The following ASB4 variants were observed in gnomAD, a reference collection of about 807,000 sequenced individuals.
ASB4 encodes the protein ankyrin repeat and SOCS box protein 4.
ASB4 carries 35 observed loss-of-function variants against 38.6 expected under a neutral mutation model. That is an observed-to-expected ratio of 0.91 (90% confidence interval 0.69 to 1.20). The LOEUF is 1.20. ASB4 is among the 50% of genes most tolerant of loss of function. ASB4 has a pLI of 0.00. For missense variants in ASB4, 557 were observed against 527.2 expected, an observed-to-expected ratio of 1.06 and a Z score of -0.55; for synonymous variants, 195 against 201.3, an observed-to-expected ratio of 0.97 and a Z score of 0.26.
In ASB4 at chr7:95,490,008, C is replaced by T. The variant is rs1790149184; in HGVS notation, c.187+3850C>T. Among the ~76,000 whole-genome samples the T allele has an allele frequency of 2.6e-5, 4 of 152,332 alleles. 1 individual carries two copies. The highest frequency in any genetic ancestry group is 1.3e-4 in the Admixed American group (2 of 15,304). On this transcript the variant is annotated intron_variant, in intron 1 of 4. Coordinates refer to ENST00000325885, the MANE Select transcript of ASB4 (RefSeq NM_016116.3). ...TACAGGCAGAATTTCATACTTATCT[C>T]TTTGGTATGAAATTCCCTAGTCAGC...
At chr7:95,526,229 G>A (rs911978559) in intron 2 of ASB4, among the ~76,000 whole-genome samples, 1 of 152,212 alleles carries the variant, frequency 6.6e-6, no homozygotes, top group Non-Finnish European at 1.5e-5. Flanking sequence ...CCCAGTGGGA[G>A]AGAGCCCCAG....
intron 2 of ASB4, among the ~76,000 whole-genome samples, chr7:95,511,838 C>T (rs919141493): frequency 6.6e-6 from 1 of 152,168 alleles, no homozygotes; most frequent in Non-Finnish European, 1.5e-5. Context: ...CAGGTTTTGA[C>T]TGCAGTGACC....
upstream of ASB4, among the ~76,000 whole-genome samples, chr7:95,475,885 A>G (rs1262403532): frequency 6.6e-6 from 1 of 152,184 alleles, no homozygotes. Flanking sequence ...TTACTTAGTT[A>G]AGATTTATGG....
At chr7:95,498,758 C>T (rs1790288491) in intron 2 of ASB4, among the ~76,000 whole-genome samples, 1 of 151,884 alleles carries the variant, frequency 6.6e-6, no homozygotes, top group African/African-American at 2.4e-5. Context: ...ATGTTTATTT[C>T]TAGAGGTTTT....
upstream of ASB4, among the ~76,000 whole-genome samples, chr7:95,475,179 C>T (rs377108178): frequency 1.1e-3 from 165 of 152,108 alleles, 1 homozygote; most frequent in African/African-American, 3.8e-3. Flanking sequence ...TCTGAAGTAC[C>T]GAAAAATTTG....
intron 2 of ASB4, among the ~76,000 whole-genome samples, chr7:95,506,302 T>C (rs2078990): frequency 0.46 from 70,552 of 152,086 alleles, 16,987 homozygotes; most frequent in African/African-American, 0.59. Context: ...CCTGCTCCAA[T>C]GAGTTTCAGG....
intron 3 of ASB4, among the ~76,000 whole-genome samples, chr7:95,534,026 G>A (rs1366981431): frequency 6.6e-6 from 1 of 152,076 alleles, no homozygotes; most frequent in Admixed American, 6.5e-5. Context: ...TTTCTAATGG[G>A]GAGCATCTAT....
intron 2 of ASB4, among the ~76,000 whole-genome samples, chr7:95,504,446 G>C (rs541096211): frequency 3.9e-5 from 6 of 152,256 alleles, no homozygotes; most frequent in African/African-American, 1.2e-4. Flanking sequence ...ATGCCTGCTG[G>C]ACAGACGCTG....
At chr7:95,511,918 C>CT (rs1790487688) in intron 2 of ASB4, among the ~76,000 whole-genome samples, 1 of 152,122 alleles carries the variant, frequency 6.6e-6, no homozygotes, top group Non-Finnish European at 1.5e-5. Flanking sequence ...AGTCCTGCCG[C>CT]TAATGTAAAT....
At chr7:95,541,343 T>C (rs892193893), downstream of ASB4, among the ~76,000 whole-genome samples, 5 of 152,236 alleles carry the variant, frequency 3.3e-5, no homozygotes, top group Non-Finnish European at 7.3e-5. Flanking sequence ...TAGCATTTTA[T>C]TGGTATTAAT....
the ASB4 span, among the ~76,000 whole-genome samples, chr7:95,549,098 G>A: frequency 2.6e-5 from 4 of 151,948 alleles, no homozygotes; most frequent in African/African-American, 9.7e-5. Context: ...GATTTTGAGG[G>A]GCTTATGGGA....
upstream of ASB4, among the ~76,000 whole-genome samples, chr7:95,482,164 G>C (rs1039112055): frequency 2.6e-5 from 4 of 152,180 alleles, no homozygotes; most frequent in Non-Finnish European, 5.9e-5. Flanking sequence ...ATAATCAATT[G>C]ATTTTTAGCA....
At chr7:95,547,851 A>G in the ASB4 span, among the ~76,000 whole-genome samples, 2 of 152,220 alleles carry the variant, frequency 1.3e-5, no homozygotes, top group Non-Finnish European at 2.9e-5. Context: ...CATGACTGAA[A>G]CATTAACTCT....
At position 95,539,248 on chromosome 7, in the gene ASB4, T is replaced by C. The variant is rs1021477605; in HGVS notation, c.*1489T>C. On this transcript the variant is annotated 3_prime_UTR_variant, in exon 5 of 5. Transcript: ENST00000325885. ...ATGCTGGAGTGTTGAATAGAGATGATGTCAGATATTCCAATAGGCTATCAT... is the reference window on the plus strand; with the variant it reads ...ATGCTGGAGTGTTGAATAGAGATGACGTCAGATATTCCAATAGGCTATCAT... 2.0e-5 allele frequency: 3 copies of C among 152,170 alleles called. No homozygotes were observed. The highest frequency in any genetic ancestry group is 1.5e-5 in the Non-Finnish European group (1 of 68,030). The allele number at this position is 152,170 out of a possible 1,614,324, so 9.4% of individuals were successfully genotyped here.
chr7:95,549,032 T>C, the ASB4 span, among the ~76,000 whole-genome samples: 1 of 152,144 alleles, frequency 6.6e-6, no homozygotes. Context: ...TTTTGCTTTG[T>C]TTTAAAACCA....
chr7:95,501,382 C>T (rs1378155015), intron 2 of ASB4, among the ~76,000 whole-genome samples: 2 of 152,150 alleles, frequency 1.3e-5, no homozygotes, highest in African/African-American at 4.8e-5. Flanking sequence ...ATTCCCTGGT[C>T]AATGAAGTGG....
At chr7:95,473,463 G>C (rs1417936190), upstream of ASB4, among the ~76,000 whole-genome samples, 1 of 152,170 alleles carries the variant, frequency 6.6e-6, no homozygotes, top group African/African-American at 2.4e-5. Flanking sequence ...ATAACAAGCA[G>C]TGATGAGTTC....
At chr7:95,523,867 G>A (rs1045980799) in intron 2 of ASB4, among the ~76,000 whole-genome samples, 3 of 152,072 alleles carry the variant, frequency 2.0e-5, no homozygotes, top group African/African-American at 7.2e-5. Flanking sequence ...TAATATAAAA[G>A]CATTGTTGGT....
chr7:95,495,841 C>A lies in ASB4; in HGVS notation c.271C>A (p.Leu91Ile), dbSNP rs1790238442. 1 of 1,612,564 alleles carries A rather than the reference C, an allele frequency of 6.2e-7. No individual in the cohort carries two copies. The highest frequency in any genetic ancestry group is 8.5e-7 in the Non-Finnish European group (1 of 1,179,868). Residue 91 changes from leucine to isoleucine, a missense_variant, in exon 2 of 5, where the codon CTT becomes ATT. Coordinates refer to ENST00000325885, the MANE Select transcript of ASB4 (RefSeq NM_016116.3). ...TGTCTTGTTTGGCCATGTGGAATGT[C>A]TTCTGGTGCTACTGGACCACAATGC... ...LSVLFGHVECLLVLLDHNATI... is the reference protein window; with the variant it reads ...LSVLFGHVECILVLLDHNATI...
Sources: allele counts gnomAD v4.1 joint callset (sites outside exome capture counted in the v4.1 genomes callset), GRCh38; gene constraint gnomAD v4.1.1; transcripts MANE v1.5; gene names NCBI Gene and HGNC (gene_info 2026-07-23, HGNC 2026-07-21).